Variants in IQCE observed in about 807,000 individuals in gnomAD.
The protein encoded by IQCE is IQ motif containing E.
IQCE carries 115 observed loss-of-function variants against 96.0 expected under a neutral mutation model. The ratio of observed to expected loss-of-function variants is 1.20; its 90% CI spans 1.03 to 1.40. IQCE has a LOEUF of 1.40. Ranked by LOEUF, IQCE falls within the 40% of genes most tolerant of loss-of-function variation. The pLI, the probability that IQCE is intolerant of heterozygous loss-of-function variation, is 0.00. For synonymous variants in IQCE, 412 were observed against 371.2 expected (o/e 1.11, Z -1.26); for missense variants, 1,041 against 909.1 (o/e 1.15, Z -1.87).
At chr7:2,581,805 G>A (rs1782687749) in intron 8 of IQCE, among the ~76,000 whole-genome samples, 1 of 151,800 alleles carries the variant, frequency 6.6e-6, no homozygotes. Context: ...CGCTTCCCGG[G>A]TTCATGCCAT....
rs1785072145 is a variant in IQCE at position 2,610,852 on chromosome 7, C to T, written c.*690C>T. ...GGTTGGATTCTGTCACTGTGGAGAC[C>T]AAGATTTTTTAAAATTCCCAATTAC... On this transcript the variant is annotated 3_prime_UTR_variant, in exon 22 of 22. Coordinates refer to ENST00000402050, the MANE Select transcript of IQCE (RefSeq NM_152558.5). 6.7e-6 allele frequency: 1 copy of T among 149,984 alleles called. No homozygotes were observed. Among genetic ancestry groups the T allele is most frequent in the African/African-American group, 2.4e-5 (1 of 40,886 alleles). 9.3% of individuals were successfully genotyped at this position (149,984 alleles called of 1,614,324 possible).
intron 16 of IQCE, among the ~76,000 whole-genome samples, chr7:2,595,564 C>T (rs1254002139): frequency 2.0e-5 from 3 of 152,204 alleles, no homozygotes; most frequent in Admixed American, 6.5e-5. Context: ...GGACGCTACC[C>T]GGGGGCAGCT....
intron 8 of IQCE, among the ~76,000 whole-genome samples, chr7:2,582,312 G>A (rs905368254): frequency 6.6e-6 from 1 of 152,174 alleles, no homozygotes; most frequent in Non-Finnish European, 1.5e-5. Context: ...GTGCTTGGGG[G>A]AGGGCTGCCA....
chr7:2,587,682 C>T (rs1783228438), intron 12 of IQCE, 140 bp from the exon 13 acceptor site: 1 of 802,112 alleles, frequency 1.2e-6, no homozygotes, highest in Non-Finnish European at 2.1e-6. Flanking sequence ...TCTCTGGTAG[C>T]CAGGACCTGT....
At chr7:2,575,255 G>C (rs796775604) in intron 6 of IQCE, among the ~76,000 whole-genome samples, 1 of 152,298 alleles carries the variant, frequency 6.6e-6, no homozygotes, top group Non-Finnish European at 1.5e-5. Context: ...GTACCACCTC[G>C]TTATCACCCG....
chr7:2,559,804 AG>A (rs1037169561), intron 1 of IQCE, among the ~76,000 whole-genome samples: 10 of 134,754 alleles, frequency 7.4e-5, no homozygotes, highest in Admixed American at 8.3e-5. Flanking sequence ...GGTAATAAAC[AG>A]GTAATTAAGA....
intron 6 of IQCE, among the ~76,000 whole-genome samples, chr7:2,576,206 T>G (rs1229265442): frequency 6.6e-6 from 1 of 152,174 alleles, no homozygotes; most frequent in Non-Finnish European, 1.5e-5. Context: ...CACAGTCTTT[T>G]GCAAGGAGAA....
rs1016646766 is a variant in IQCE, at chr7:2,613,991, G to A, written c.*3829G>A. On this transcript the variant is annotated 3_prime_UTR_variant, in exon 22 of 22. Transcript: ENST00000402050. The stretch of plus-strand genomic sequence containing the variant: ...CTCGTTTGTCTGTGTATTAAGAAGA[G>A]ACTAAAATAGCCAAACGACGCTGGT... 6.6e-6 allele frequency: 1 copy of A among 152,230 alleles called. No individual in the cohort carries two copies. The highest frequency in any genetic ancestry group is 2.4e-5 in the African/African-American group (1 of 41,448). The allele number at this position is 152,230 out of a possible 1,614,324, so 9.4% of individuals were successfully genotyped here.
chr7:2,578,948 A>G (rs1013594678), intron 8 of IQCE, among the ~76,000 whole-genome samples: 4 of 151,860 alleles, frequency 2.6e-5, no homozygotes, highest in African/African-American at 4.8e-5. Context: ...AGTCCCGGCT[A>G]CTCAGGAGGC....
chr7:2,577,067 T>A (rs959381729), intron 6 of IQCE, among the ~76,000 whole-genome samples: 2 of 152,140 alleles, frequency 1.3e-5, no homozygotes, highest in African/African-American at 4.8e-5. Context: ...ACCCACTAAA[T>A]GCCAGGCGTG....
intron 6 of IQCE, among the ~76,000 whole-genome samples, chr7:2,575,989 G>T (rs1450767828): frequency 6.6e-6 from 1 of 152,170 alleles, no homozygotes; most frequent in Non-Finnish European, 1.5e-5. Flanking sequence ...CGGCAGTCCC[G>T]TTACTAGAGC....
At position 2,561,874 on chromosome 7, in the gene IQCE, CTGAA is replaced by C. The variant is rs570929254; in HGVS notation, c.36+2660_36+2663del. 8.3e-4 allele frequency among the ~76,000 whole-genome samples: 127 copies of C among 152,284 alleles called. 1 individual carries two copies. Among genetic ancestry groups the C allele is most frequent in the Admixed American group, 7.1e-3 (108 of 15,286 alleles). ...ATAGTTTTACTTCCTTCTTTTCAAT[CTGAA>C]TGTCTTTTATTTACTTTTCTCACAT... On this transcript the variant is annotated intron_variant, in intron 1 of 21. Coordinates refer to ENST00000402050, the MANE Select transcript of IQCE (RefSeq NM_152558.5).
intron 1 of IQCE, among the ~76,000 whole-genome samples, chr7:2,563,029 G>C (rs754240545): frequency 2.0e-5 from 3 of 152,000 alleles, no homozygotes; most frequent in Non-Finnish European, 4.4e-5. Context: ...GGGCTTGAGT[G>C]ATCCTCCTGC....
chr7:2,578,390 G>A (rs1210339373), intron 7 of IQCE, 35 bp downstream of exon 7: 1 of 1,612,060 alleles, frequency 6.2e-7, no homozygotes, highest in African/African-American at 1.3e-5. Context: ...GGGGCAAGGG[G>A]AGGGTCCTCG....
intron 3 of IQCE, 128 bp from the exon 4 acceptor site, chr7:2,571,398 C>A: frequency 8.7e-7 from 1 of 1,154,698 alleles, no homozygotes; most frequent in Non-Finnish European, 1.2e-6. Context: ...TTCATTTTTG[C>A]CAGAATGTTT....
In IQCE at chr7:2,611,863, G is replaced by T. The variant is rs1313611996; in HGVS notation, c.*1701G>T. The T allele has an allele frequency of 1.3e-5, 2 of 152,172 alleles. No individual in the cohort carries two copies. Among genetic ancestry groups the T allele is most frequent in the Non-Finnish European group, 2.9e-5 (2 of 68,062 alleles). 9.4% of individuals were successfully genotyped at this position (152,172 alleles called of 1,614,324 possible). ...ATTTTTTTTTCCACTGAACTGGCTG[G>T]TAACTTGATGGACTGTGTAACTGAC... On this transcript the variant is annotated 3_prime_UTR_variant, in exon 22 of 22. Coordinates refer to ENST00000402050, the MANE Select transcript of IQCE (RefSeq NM_152558.5).
Position 2,612,339 on chromosome 7 carries a change from T to G in IQCE, c.*2177T>G, listed in dbSNP as rs929820155. On this transcript the variant is annotated 3_prime_UTR_variant, in exon 22 of 22. Coordinates refer to ENST00000402050, the MANE Select transcript of IQCE (RefSeq NM_152558.5). The stretch of plus-strand genomic sequence containing the variant: ...GCTGATGCCCAGTGTCCAGTGCTGG[T>G]CACCAGTCCCCTTTGCTGGGTACAG... 4 of 152,498 alleles carry G rather than the reference T, an allele frequency of 2.6e-5. No individual in the cohort carries two copies. The East Asian group carries it at 7.7e-4, about 29-fold the overall frequency. 9.4% of individuals were successfully genotyped at this position (152,498 alleles called of 1,614,324 possible).
rs7788106 is a variant in IQCE, at chr7:2,595,442, G to A, written c.1440+466G>A. ...TGGGGCTTCCTGTGCCCTCCCTGCC[G>A]TCACTCAGCTGTGCACGGGTTGAAC... On this transcript the variant is annotated intron_variant, in intron 16 of 21. Transcript: ENST00000402050. Among the ~76,000 whole-genome samples, 1,387 of 152,258 alleles carry A rather than the reference G, an allele frequency of 9.1e-3. 20 individuals are homozygous for A. The highest frequency in any genetic ancestry group is 0.031 in the African/African-American group (1,285 of 41,530).
chr7:2,568,352 G>A (rs761363141), intron 2 of IQCE, among the ~76,000 whole-genome samples: 4 of 152,174 alleles, frequency 2.6e-5, no homozygotes, highest in Non-Finnish European at 5.9e-5. Context: ...TTATATGGAT[G>A]CAAATATTCC....
Sources: allele counts gnomAD v4.1 joint callset (sites outside exome capture counted in the v4.1 genomes callset), GRCh38; gene constraint gnomAD v4.1.1; transcripts MANE v1.5; gene names NCBI Gene and HGNC (gene_info 2026-07-23, HGNC 2026-07-21).